DLG2: variants seen among roughly 807,000 people sequenced by gnomAD.
DLG2 encodes the protein disks large homolog 2.
A neutral mutation model predicts 132.5 loss-of-function variants in DLG2; 45 were observed. That is an observed-to-expected ratio of 0.34 (90% CI 0.27 to 0.44). The LOEUF (loss-of-function observed/expected upper bound fraction) is 0.44. Among genes scored for constraint, DLG2 ranks in the 20% least tolerant of loss-of-function variants. The pLI is 1.00. For synonymous variants in DLG2, 424 were observed against 419.6 expected, an observed-to-expected ratio of 1.01 and a Z score of -0.13; for missense variants, 1,045 against 1,196.9, an observed-to-expected ratio of 0.87 and a Z score of 1.87.
chr11:83,914,314 T>C (rs1294468451), intron 15 of DLG2, among the ~76,000 whole-genome samples: 2 of 152,162 alleles, frequency 1.3e-5, no homozygotes, highest in African/African-American at 4.8e-5. Flanking sequence ...GGCTCCCCTC[T>C]GCTAGAAGCA....
At chr11:83,611,925 T>G (rs998174755) in intron 19 of DLG2, among the ~76,000 whole-genome samples, 1 of 152,170 alleles carries the variant, frequency 6.6e-6, no homozygotes, top group Non-Finnish European at 1.5e-5. Context: ...GGGGGGCAAC[T>G]GTTTGAGCGG....
intron 8 of DLG2, among the ~76,000 whole-genome samples, chr11:84,231,313 G>C (rs1234845667): frequency 6.6e-6 from 1 of 152,076 alleles, no homozygotes; most frequent in Non-Finnish European, 1.5e-5. Context: ...TACAAGCCAT[G>C]GGTTGTCTAG....
intron 11 of DLG2, among the ~76,000 whole-genome samples, chr11:84,033,896 A>C (rs1219447731): frequency 2.8e-5 from 2 of 70,792 alleles, no homozygotes; most frequent in African/African-American, 8.6e-5. Context: ...AAAAACAAAA[A>C]CAAAAACAAA....
chr11:83,529,703 AG>A (rs1391652762), intron 21 of DLG2, among the ~76,000 whole-genome samples: 4 of 152,122 alleles, frequency 2.6e-5, no homozygotes, highest in Non-Finnish European at 5.9e-5. Context: ...TGTAGTTTAA[AG>A]GTTTTATTTT....
rs574145888 is a variant in DLG2, at chr11:84,201,755, A to G, written c.574-38244T>C. Among the ~76,000 whole-genome samples, 6 of 147,290 alleles carry G rather than the reference A, an allele frequency of 4.1e-5. No individual in the cohort carries two copies. The South Asian group carries it at 8.6e-4, about 21-fold the overall frequency. On this transcript the variant is annotated intron_variant, in intron 8 of 27. Coordinates refer to ENST00000376104, the MANE Select transcript of DLG2 (RefSeq NM_001142699.3). ...TTTATGTGCATAGATATTTAATGCTATTCCCATTAAGCTACCATTGACATT... is the reference window on the plus strand; with the variant it reads ...TTTATGTGCATAGATATTTAATGCTGTTCCCATTAAGCTACCATTGACATT...
intron 6 of DLG2, among the ~76,000 whole-genome samples, chr11:84,880,722 C>A (rs953563745): frequency 6.6e-6 from 1 of 152,026 alleles, no homozygotes; most frequent in Non-Finnish European, 1.5e-5. Flanking sequence ...TAAACTTTGG[C>A]ATTTTTGTAC....
chr11:84,402,881 C>CAAAAAAAAAAGAAAAAAA (rs2098835106), intron 7 of DLG2, among the ~76,000 whole-genome samples: 1 of 73,914 alleles, frequency 1.4e-5, no homozygotes, highest in Non-Finnish European at 2.4e-5. Flanking sequence ...AACTCCGTCT[C>CAAAAAAAAAAGAAAAAAA]AAAAAAAAAA....
At chr11:83,887,116 A>C (rs1318652624) in intron 15 of DLG2, among the ~76,000 whole-genome samples, 3 of 152,172 alleles carry the variant, frequency 2.0e-5, no homozygotes, top group African/African-American at 7.2e-5. Flanking sequence ...AACTGAAGGA[A>C]ATAGAGACAC....
Position 83,769,826 on chromosome 11 carries a change from A to G in DLG2, c.1825+16864T>C, listed in dbSNP as rs140761009. The stretch of plus-strand genomic sequence containing the variant: ...GTGATTCTCCCATCTCGGCCTCCCA[A>G]AGTGCTGGGATTACAGGCGTGAGCC... On this transcript the variant is annotated intron_variant, in intron 18 of 27. Coordinates refer to ENST00000376104, the MANE Select transcript of DLG2 (RefSeq NM_001142699.3). Among the ~76,000 whole-genome samples, 600 of 152,030 alleles carry G rather than the reference A, an allele frequency of 3.9e-3. 3 individuals carry two copies. Among genetic ancestry groups the G allele is most frequent in the African/African-American group, 0.014 (590 of 41,466 alleles).
At chr11:85,523,094 G>A in intron 3 of DLG2, among the ~76,000 whole-genome samples, 1 of 152,156 alleles carries the variant, frequency 6.6e-6, no homozygotes, top group South Asian at 2.1e-4. Flanking sequence ...TATTGGGGGA[G>A]GGACCTTGTG....
intron 11 of DLG2, among the ~76,000 whole-genome samples, chr11:84,055,384 T>C (rs569046717): frequency 6.6e-6 from 1 of 152,260 alleles, no homozygotes; most frequent in South Asian, 2.1e-4. Context: ...TTCTAAAAAT[T>C]ACATATTTTA....
At chr11:84,504,235 CCT>C (rs1290704756) in intron 7 of DLG2, among the ~76,000 whole-genome samples, 1 of 152,044 alleles carries the variant, frequency 6.6e-6, no homozygotes, top group Non-Finnish European at 1.5e-5. Context: ...CATTTAAGCC[CCT>C]GTCTTTCTAC....
intron 9 of DLG2, among the ~76,000 whole-genome samples, chr11:84,139,161 C>G (rs2094729948): frequency 6.6e-6 from 1 of 152,106 alleles, no homozygotes; most frequent in Non-Finnish European, 1.5e-5. Context: ...TCTGTCTCCC[C>G]TTCTACCTTT....
chr11:85,559,861 G>T (rs11234364), intron 3 of DLG2, among the ~76,000 whole-genome samples: 108 of 130,178 alleles, frequency 8.3e-4, no homozygotes, highest in African/African-American at 2.5e-3. Flanking sequence ...GATAGATAGA[G>T]ATAAATATCC....
At chr11:84,218,882 T>A (rs373857073) in intron 8 of DLG2, among the ~76,000 whole-genome samples, 1 of 152,228 alleles carries the variant, frequency 6.6e-6, no homozygotes, top group Non-Finnish European at 1.5e-5. Flanking sequence ...TTATCCAATG[T>A]ATCAATAGGG....
chr11:85,213,070 TGAA>T, intron 4 of DLG2, among the ~76,000 whole-genome samples: 1 of 151,856 alleles, frequency 6.6e-6, no homozygotes. Flanking sequence ...AGGCATAAAA[TGAA>T]GAAAGAGGGA....
At chr11:83,520,612 C>G (rs940270308) in intron 21 of DLG2, among the ~76,000 whole-genome samples, 2 of 127,138 alleles carry the variant, frequency 1.6e-5, no homozygotes, top group Non-Finnish European at 3.5e-5. Flanking sequence ...GAAAGACAGA[C>G]AGACAGGTAG....
intron 3 of DLG2, among the ~76,000 whole-genome samples, chr11:85,496,684 T>C (rs1171195673): frequency 6.6e-6 from 1 of 151,892 alleles, no homozygotes; most frequent in Non-Finnish European, 1.5e-5. Context: ...AACAGACACC[T>C]CATACACGCT....
chr11:85,252,007 C>A (rs1418268752), intron 4 of DLG2, among the ~76,000 whole-genome samples: 1 of 151,916 alleles, frequency 6.6e-6, no homozygotes, highest in African/African-American at 2.4e-5. Context: ...TATAAGATAA[C>A]AAAATAGCAA....
Sources: allele counts gnomAD v4.1 joint callset (sites outside exome capture counted in the v4.1 genomes callset), GRCh38; gene constraint gnomAD v4.1.1; transcripts MANE v1.5; gene names NCBI Gene and HGNC (gene_info 2026-07-23, HGNC 2026-07-21).